The following MAZ variants were observed in gnomAD, a reference collection of about 807,000 sequenced individuals.
MAZ encodes MYC associated zinc finger protein.
A neutral mutation model predicts 32.7 loss-of-function variants in MAZ; 4 were observed. The ratio of observed to expected loss-of-function variants is 0.12; its 90% confidence interval spans 0.06 to 0.28. The LOEUF (loss-of-function observed/expected upper bound fraction) is 0.28, where lower values mean the gene tolerates loss of function less well. Among genes scored for constraint, MAZ ranks in the 10% least tolerant of loss-of-function variants. MAZ has a pLI of 1.00. For synonymous variants in MAZ, 510 were observed against 297.6 expected, an observed-to-expected ratio of 1.71 and a Z score of -7.35; for missense variants, 763 against 667.2, an observed-to-expected ratio of 1.14 and a Z score of -1.58.
At chr16:29,806,507 G>C (rs1442061784), upstream of MAZ, 8 of 459,488 alleles carry the variant, frequency 1.7e-5, no homozygotes, top group African/African-American at 2.4e-5. Flanking sequence ...TCGCCGCGGC[G>C]CTCCGCGGCC....
rs370120877 is a variant in MAZ at position 29,810,132 on chromosome 16, A to G, written c.1335A>G (p.Ala445=). The part of the protein sequence containing the change: ...AAAAAAAAAA[A]AAAVAAPPTA... ...CAGCGGCAGCGGCGGCAGCGGCAGC[A>G]GCGGCAGCAGTAGCAGCCCCTCCCA... The change falls in exon 5 of 5, where the codon GCA becomes GCG. Residue 445 remains alanine (A), a synonymous_variant. Coordinates refer to ENST00000322945, the MANE Select transcript of MAZ (RefSeq NM_002383.4). 9.9e-4 allele frequency: 1,599 copies of G among 1,607,766 alleles called. 2 individuals are homozygous for G. Among genetic ancestry groups the G allele is most frequent in the East Asian group, 3.6e-3 (162 of 44,738 alleles).
chr16:29,807,598 G>A lies in MAZ; in HGVS notation c.813G>A (p.Ser271=), dbSNP rs764039205. The change falls in exon 2 of 5, where the codon TCG becomes TCA. Residue 271 remains serine, a synonymous_variant. Coordinates refer to ENST00000322945, the MANE Select transcript of MAZ (RefSeq NM_002383.4). The part of the protein sequence containing the change: ...AAGGVVTTTA[S]GKRIRKNHAC... The stretch of plus-strand genomic sequence containing the variant: ...GTGGCGTGGTGACCACGACCGCCTC[G>A]GGGAAGCGCATCCGGAAGAACCATG... 6.8e-6 allele frequency: 11 copies of A among 1,611,978 alleles called. No homozygotes were observed. The East Asian group carries it at 2.5e-4, about 36-fold the overall frequency.
In MAZ at chr16:29,810,294, T is replaced by TC. The variant is rs774614496; in HGVS notation, c.*69dup. 2 of 1,480,306 alleles carry TC rather than the reference T, an allele frequency of 1.4e-6. No homozygotes were observed. The highest frequency in any genetic ancestry group is 1.8e-6 in the Non-Finnish European group (2 of 1,085,186). The allele number at this position is 1,480,306 out of a possible 1,614,324, so 91.7% of individuals were successfully genotyped here. ...TAGAGTCCCTTGGTACAAGCTCCTCTCCCCCCTCTTTTCCCACCAACTCCT... is the reference window on the plus strand; with the variant it reads ...TAGAGTCCCTTGGTACAAGCTCCTCTCCCCCCCTCTTTTCCCACCAACTCCT... On this transcript the variant is annotated 3_prime_UTR_variant, in exon 5 of 5. Transcript: ENST00000322945.
Position 29,806,682 on chromosome 16 carries a change from G to A in MAZ, c.-20G>A, listed in dbSNP as rs748084454. 1.4e-5 allele frequency: 16 copies of A among 1,126,884 alleles called. No homozygotes were observed. Among genetic ancestry groups the A allele is most frequent in the Admixed American group, 4.6e-5 (1 of 21,666 alleles). The allele number at this position is 1,126,884 out of a possible 1,614,324, so 69.8% of individuals were successfully genotyped here. A position where few individuals can be genotyped will look rare whatever the true frequency, so the allele number is the denominator to read the frequency against. ...CCCCGGCCCCCGCTGAGCCCCGGGG[G>A]CCCCGCTGCGGCCGAGGCCATGTTC... On this transcript the variant is annotated 5_prime_UTR_variant, in exon 1 of 5. Coordinates refer to ENST00000322945, the MANE Select transcript of MAZ (RefSeq NM_002383.4).
chr16:29,808,197 T>A (rs1459937783), intron 2 of MAZ, 33 bp from the exon 3 acceptor site: 2 of 1,600,656 alleles, frequency 1.2e-6, no homozygotes, highest in Middle Eastern at 1.7e-4. Flanking sequence ...GCGCACCACC[T>A]CCGCCCTAAC....
Position 29,810,134 on chromosome 16 carries a change from C to T in MAZ, c.1337C>T (p.Ala446Val), listed in dbSNP as rs957294195. 94 of 1,609,746 alleles carry T rather than the reference C, an allele frequency of 5.8e-5. No homozygotes were observed. The highest frequency in any genetic ancestry group is 1.5e-4 in the South Asian group (14 of 90,952). Residue 446 changes from alanine (A) to valine (V), a missense_variant, in exon 5 of 5, where the codon GCG (alanine) becomes GTG (valine). Transcript: ENST00000322945. ...AAAAAAAAAA[A>V]AAVAAPPTAV... ...GCGGCAGCGGCGGCAGCGGCAGCAG[C>T]GGCAGCAGTAGCAGCCCCTCCCACA... is the stretch of plus-strand genomic sequence containing the variant.
chr16:29,808,433 C>G (rs1288076732), intron 3 of MAZ, 137 bp from the exon 4 acceptor site: 2 of 995,258 alleles, frequency 2.0e-6, no homozygotes, highest in Admixed American at 2.0e-5. Flanking sequence ...TCTTCAAGGC[C>G]TCATCATGTC....
intron 4 of MAZ, 61 bp downstream of exon 4, chr16:29,808,802 T>C: frequency 6.5e-7 from 1 of 1,546,118 alleles, no homozygotes; most frequent in Non-Finnish European, 8.8e-7. Context: ...GCCAGACGCC[T>C]TGCCACGGAT....
At chr16:29,808,182 T>A in intron 2 of MAZ, 48 bp from the exon 3 acceptor site, 1 of 1,532,522 alleles carries the variant, frequency 6.5e-7, no homozygotes, top group East Asian at 2.2e-5. Flanking sequence ...TTTGGTGGAT[T>A]TGGGGCGCAC....
rs1230727473 is a variant in MAZ at position 29,810,598 on chromosome 16, C to T, written c.*367C>T. The T allele has an allele frequency of 2.9e-6, 2 of 683,994 alleles. No individual in the cohort carries two copies. Among genetic ancestry groups the T allele is most frequent in the East Asian group, 2.7e-5 (1 of 36,388 alleles). 42.4% of individuals were successfully genotyped at this position (683,994 alleles called of 1,614,324 possible). On this transcript the variant is annotated 3_prime_UTR_variant, in exon 5 of 5. Transcript: ENST00000322945. ...CCTCTTCCCTCGACGGTCCTCTTCT[C>T]TCCTTCCAGTCCTCTCCCCCTGCTG...
Position 29,807,722 on chromosome 16 carries a change from C to G in MAZ, c.937C>G (p.Gln313Glu). ...GAAGCCCTACCAGTGCCCGGTGTGC[C>G]AGCAGCGCTTCAAGCGCAAGGACCG... is the stretch of plus-strand genomic sequence containing the variant. ...DEKPYQCPVCQQRFKRKDRMS... is the reference protein window; with the variant it reads ...DEKPYQCPVCEQRFKRKDRMS... Residue 313 changes from glutamine to glutamate, a missense_variant, in exon 2 of 5, where the codon CAG becomes GAG. Transcript: ENST00000322945. 6.2e-7 allele frequency: 1 copy of G among 1,612,908 alleles called. No homozygotes were observed. The highest frequency in any genetic ancestry group is 8.5e-7 in the Non-Finnish European group (1 of 1,179,976).
chr16:29,806,140 C>CG, upstream of MAZ: 1 of 1,301,144 alleles, frequency 7.7e-7, no homozygotes, highest in Non-Finnish European at 1.0e-6. Flanking sequence ...CTCCCTCCCT[C>CG]CGCCATGGAT....
Position 29,807,055 on chromosome 16 carries a change from C to G in MAZ, c.270C>G (p.Ala90=), listed in dbSNP as rs1325723110. Residue 90 remains alanine (A), a synonymous_variant, in exon 2 of 5, where the codon GCC becomes GCG. Coordinates refer to ENST00000322945, the MANE Select transcript of MAZ (RefSeq NM_002383.4). ...AGGTGGACTTGCTCCCGGTGCTCGC[C>G]GCCGCCCAGGAGTCCGCCGCGGCTG... ...PLQVDLLPVL[A]AAQESAAAAA... The G allele has an allele frequency of 5.8e-5, 59 of 1,016,720 alleles. No individual in the cohort carries two copies. The highest frequency in any genetic ancestry group is 6.8e-5 in the Non-Finnish European group (58 of 854,582). 63.0% of individuals were successfully genotyped at this position (1,016,720 alleles called of 1,614,324 possible).
Position 29,810,070 on chromosome 16 carries a change from T to C in MAZ, c.1280-7T>C, listed in dbSNP as rs746465612. On this transcript the variant is annotated splice_region_variant and splice_polypyrimidine_tract_variant and intron_variant, in intron 4 of 4. Transcript: ENST00000322945. ...GCGCTGTGATCCGTGGTGTTTCTCC[T>C]GTGCAGGTACTGGTGAGGTTTGTCC... is the stretch of plus-strand genomic sequence containing the variant. The C allele has an allele frequency of 7.8e-5, 125 of 1,604,550 alleles. No homozygotes were observed. Among genetic ancestry groups the C allele is most frequent in the Non-Finnish European group, 1.0e-4 (118 of 1,175,118 alleles).
Position 29,807,204 on chromosome 16 carries a change from T to G in MAZ, c.419T>G (p.Val140Gly), listed in dbSNP as rs1285678528. ...PPAPPPPPPP[V>G]SAPAAEAAPP... Reference sequence around the variant, plus strand: ...GCGCCCCCTCCGCCACCCCCGCCAGTGTCGGCGCCCGCGGCCGAGGCCGCG... The same window carrying G: ...GCGCCCCCTCCGCCACCCCCGCCAGGGTCGGCGCCCGCGGCCGAGGCCGCG... The change falls in exon 2 of 5, where the codon GTG (valine) becomes GGG (glycine). Residue 140 changes from valine (V) to glycine (G), a missense_variant. Coordinates refer to ENST00000322945, the MANE Select transcript of MAZ (RefSeq NM_002383.4). 5 of 1,190,362 alleles carry G rather than the reference T, an allele frequency of 4.2e-6. No homozygotes were observed. The highest frequency in any genetic ancestry group is 3.5e-5 in the South Asian group (1 of 28,952). 73.7% of individuals were successfully genotyped at this position (1,190,362 alleles called of 1,614,324 possible). A position where few individuals can be genotyped will look rare whatever the true frequency, so the allele number is the denominator to read the frequency against.
At chr16:29,808,475 A>C (rs773847613) in intron 3 of MAZ, 95 bp from the exon 4 acceptor site, 85 of 1,026,484 alleles carry the variant, frequency 8.3e-5, no homozygotes, top group Non-Finnish European at 1.1e-4. Flanking sequence ...AAGATCCCCA[A>C]GGCTCTGATT....
Position 29,807,814 on chromosome 16 carries a change from C to T in MAZ, c.1029C>T (p.Gly343=). The change falls in exon 2 of 5, where the codon GGC becomes GGT. Residue 343 remains glycine, a synonymous_variant. Transcript: ENST00000322945. ...VHKPYNCSHC[G]KSFSRPDHLN... is the part of the protein sequence containing the mutation. Reference sequence around the variant, plus strand: ...AGCCCTACAACTGCTCCCACTGTGGCAAGAGCTTCTCCCGGTGTGCACGGG... The same window carrying T: ...AGCCCTACAACTGCTCCCACTGTGGTAAGAGCTTCTCCCGGTGTGCACGGG... 6.2e-7 allele frequency: 1 copy of T among 1,607,818 alleles called. No individual in the cohort carries two copies. Among genetic ancestry groups the T allele is most frequent in the Non-Finnish European group, 8.5e-7 (1 of 1,179,492 alleles).
chr16:29,809,936 T>C (rs1316683501), intron 4 of MAZ, 141 bp from the exon 5 acceptor site: 13 of 1,377,136 alleles, frequency 9.4e-6, no homozygotes, highest in East Asian at 2.3e-5. Flanking sequence ...TGGGTGAGGA[T>C]GCAGGCTGAG....
intron 4 of MAZ, 110 bp from the exon 5 acceptor site, chr16:29,809,959 CAGATAGGA>C: frequency 6.7e-7 from 1 of 1,492,396 alleles, no homozygotes; most frequent in Non-Finnish European, 9.0e-7. Flanking sequence ...CTCTGGGGTC[CAGATAGGA>C]AGTGAGCAAC....
Sources: allele counts gnomAD v4.1 joint callset, GRCh38; gene constraint gnomAD v4.1.1; transcripts MANE v1.5; gene names NCBI Gene and HGNC (gene_info 2026-07-23, HGNC 2026-07-21).